Variants in RBFOX1 observed in about 807,000 individuals in gnomAD.
RBFOX1 encodes the protein RNA binding protein fox-1 homolog 1.
RBFOX1 carries 8 observed loss-of-function variants against 57.7 expected under a neutral mutation model. The observed-to-expected ratio is 0.14, with a 90% CI of 0.08 to 0.25. The LOEUF (loss-of-function observed/expected upper bound fraction) is 0.25, where lower values mean the gene tolerates loss of function less well. RBFOX1 is among the 10% of genes least tolerant of loss of function. RBFOX1 has a pLI of 1.00. For missense variants in RBFOX1, 611 were observed against 548.5 expected (o/e 1.11, Z -1.14); for synonymous variants, 326 against 222.4 (o/e 1.47, Z -4.15).
At chr16:6,988,860 C>A (rs1304403053) in intron 3 of RBFOX1, among the ~76,000 whole-genome samples, 1 of 151,864 alleles carries the variant, frequency 6.6e-6, no homozygotes, top group Non-Finnish European at 1.5e-5. Flanking sequence ...CATCCTCTCC[C>A]TCCTGGGTTC....
At chr16:7,444,064 A>C (rs139386838) in intron 4 of RBFOX1, among the ~76,000 whole-genome samples, 6 of 152,340 alleles carry the variant, frequency 3.9e-5, no homozygotes, top group African/African-American at 1.4e-4. Flanking sequence ...ATATACATGG[A>C]AGTTAAACAA....
chr16:6,795,408 G>C (rs1291344513), intron 3 of RBFOX1, among the ~76,000 whole-genome samples: 2 of 151,988 alleles, frequency 1.3e-5, no homozygotes, highest in African/African-American at 2.4e-5. Flanking sequence ...GGGGAGTTTT[G>C]TCCTCAAGTT....
At chr16:6,919,941 T>G (rs2074097848) in intron 3 of RBFOX1, among the ~76,000 whole-genome samples, 1 of 151,952 alleles carries the variant, frequency 6.6e-6, no homozygotes, top group South Asian at 2.1e-4. Flanking sequence ...CCCCTCCCAC[T>G]TTTCCCCTCT....
intron 1 of RBFOX1, among the ~76,000 whole-genome samples, chr16:6,130,426 C>A (rs6500761): frequency 0.18 from 26,767 of 151,666 alleles, 3,006 homozygotes; most frequent in African/African-American, 0.3. Context: ...ATATGTAATG[C>A]AAAAAGGATT....
intron 4 of RBFOX1, among the ~76,000 whole-genome samples, chr16:7,157,232 C>A (rs533714729): frequency 6.6e-5 from 10 of 152,294 alleles, no homozygotes; most frequent in African/African-American, 2.4e-4. Context: ...CATTGGCTGG[C>A]AGCTGCCTGC....
intron 4 of RBFOX1, among the ~76,000 whole-genome samples, chr16:7,445,747 C>T (rs866797594): frequency 1.3e-5 from 2 of 152,088 alleles, no homozygotes; most frequent in Non-Finnish European, 2.9e-5. Context: ...TTTGTCTTTT[C>T]ACGCGGGTGA....
At chr16:7,162,207 A>G (rs1011677234) in intron 4 of RBFOX1, among the ~76,000 whole-genome samples, 5 of 152,188 alleles carry the variant, frequency 3.3e-5, no homozygotes, top group Non-Finnish European at 7.3e-5. Context: ...TTTTAAAGTG[A>G]CAAGTTAAAA....
intron 3 of RBFOX1, among the ~76,000 whole-genome samples, chr16:6,955,929 C>G (rs1280859597): frequency 6.6e-6 from 1 of 152,114 alleles, no homozygotes; most frequent in Non-Finnish European, 1.5e-5. Context: ...TGGTCTCAAA[C>G]TCCTGTCCGC....
intron 2 of RBFOX1, among the ~76,000 whole-genome samples, chr16:6,545,170 A>T (rs953030709): frequency 1.3e-5 from 2 of 152,080 alleles, no homozygotes; most frequent in African/African-American, 2.4e-5. Context: ...AATCCAAACT[A>T]CCCGCATCTG....
rs112511724 is a variant in RBFOX1 at position 7,590,969 on chromosome 16, C to T, written c.468+3669C>T. Among the ~76,000 whole-genome samples, 1,135 of 150,500 alleles carry T rather than the reference C, an allele frequency of 7.5e-3. 16 individuals are homozygous for T. The highest frequency in any genetic ancestry group is 0.026 in the African/African-American group (1,065 of 41,072). On this transcript the variant is annotated intron_variant, in intron 7 of 15. Coordinates refer to ENST00000550418, the MANE Select transcript of RBFOX1 (RefSeq NM_018723.4). ...GCCAACCATGAGTAAGACAGAAGTA[C>T]TTCCTGTCCTCCTGGGCTTTCCTGA...
In RBFOX1 at chr16:5,466,815, CCTT is replaced by C. The variant is rs199524696; in HGVS notation, c.220-397_220-395del. 2.9e-3 allele frequency among the ~76,000 whole-genome samples: 441 copies of C among 152,244 alleles called. 12 individuals carry two copies. The highest frequency in any genetic ancestry group is 0.027 in the Admixed American group (420 of 15,300). Reference sequence around the variant, plus strand: ...CTGCCATCCCTCCATATGGAAGTCTCCTTCTTGTCATTCCACTCTCAGTGCTCC... The same window carrying C: ...CTGCCATCCCTCCATATGGAAGTCTCCTTGTCATTCCACTCTCAGTGCTCC... On this transcript the variant is annotated intron_variant, in intron 1 of 2. Transcript: ENST00000585867.
At chr16:5,845,625 G>A (rs1163539927) in intron 3 of RBFOX1, among the ~76,000 whole-genome samples, 1 of 152,168 alleles carries the variant, frequency 6.6e-6, no homozygotes, top group Non-Finnish European at 1.5e-5. Context: ...CCCCATAACT[G>A]TGCTGTCCCA....
chr16:6,596,499 A>G (rs901523222), intron 2 of RBFOX1, among the ~76,000 whole-genome samples: 9 of 152,212 alleles, frequency 5.9e-5, no homozygotes, highest in Non-Finnish European at 1.2e-4. Context: ...ATTAACTGCA[A>G]AAGGAGGGGT....
At chr16:5,816,951 C>G (rs1303265034) in intron 3 of RBFOX1, among the ~76,000 whole-genome samples, 1 of 152,198 alleles carries the variant, frequency 6.6e-6, no homozygotes, top group African/African-American at 2.4e-5. Flanking sequence ...TCTCTGTGTT[C>G]TCTTTGTTTT....
intron 2 of RBFOX1, among the ~76,000 whole-genome samples, chr16:6,607,044 G>A (rs760961232): frequency 2.6e-5 from 4 of 152,004 alleles, no homozygotes; most frequent in African/African-American, 7.2e-5. Flanking sequence ...TTTAATAATC[G>A]CCAAAAATGG....
chr16:6,420,213 A>G (rs2093735525), intron 2 of RBFOX1, among the ~76,000 whole-genome samples: 1 of 152,212 alleles, frequency 6.6e-6, no homozygotes, highest in East Asian at 1.9e-4. Context: ...AGAGCCTGAA[A>G]AAAATGTACC....
intron 5 of RBFOX1, among the ~76,000 whole-genome samples, chr16:7,531,108 T>G (rs557034597): frequency 6.6e-6 from 1 of 152,298 alleles, no homozygotes; most frequent in South Asian, 2.1e-4. Flanking sequence ...AGATTTGTTT[T>G]GAAAGTGAAA....
intron 1 of RBFOX1, among the ~76,000 whole-genome samples, chr16:6,102,132 T>C (rs989163899): frequency 6.6e-6 from 1 of 150,882 alleles, no homozygotes; most frequent in African/African-American, 2.4e-5. Context: ...GCAGTATGAG[T>C]TTCGGCCTGA....
At position 6,027,064 on chromosome 16, in the gene RBFOX1, C is replaced by T. The variant is rs1466507460; in HGVS notation, c.-127+7072C>T. Among the ~76,000 whole-genome samples the T allele has an allele frequency of 3.9e-5, 6 of 152,290 alleles. No individual in the cohort carries two copies. In the South Asian group the frequency reaches 1.2e-3, roughly 32 times the overall value. On this transcript the variant is annotated intron_variant, in intron 1 of 15. Coordinates refer to ENST00000550418, the MANE Select transcript of RBFOX1 (RefSeq NM_018723.4). ...GTTCATTGCTAGTTCTGCATTTCCC[C>T]AAGATGTTGATGTCTCTTTTCTGTG...
Sources: gnomAD v4.1 joint callset for allele counts (sites outside exome capture counted in the v4.1 genomes callset) on GRCh38, gnomAD v4.1.1 for gene constraint, MANE v1.5 for transcripts, NCBI Gene and HGNC (gene_info 2026-07-23, HGNC 2026-07-21) for gene names.